The following SLC22A3 variants were observed in gnomAD, a reference collection of about 807,000 sequenced individuals.
SLC22A3 encodes solute carrier family 22 member 3.
In SLC22A3, 51 loss-of-function variants were observed where a neutral mutation model predicts 59.1. The ratio of observed to expected loss-of-function variants is 0.86; its 90% CI spans 0.69 to 1.09. SLC22A3 has a LOEUF of 1.09. SLC22A3 is among the 50% of genes least tolerant of loss of function. The pLI, the probability that SLC22A3 is intolerant of heterozygous loss-of-function variation, is 0.00. For synonymous variants in SLC22A3, 325 were observed against 292.0 expected, an observed-to-expected ratio of 1.11 and a Z score of -1.15; for missense variants, 711 against 726.3, an observed-to-expected ratio of 0.98 and a Z score of 0.24.
intron 1 of SLC22A3, among the ~76,000 whole-genome samples, chr6:160,366,460 C>A (rs1188717906): frequency 1.3e-5 from 2 of 152,222 alleles, no homozygotes; most frequent in Non-Finnish European, 2.9e-5. Flanking sequence ...TCCCAGCTGC[C>A]TTCATGGCTG....
intron 5 of SLC22A3, among the ~76,000 whole-genome samples, chr6:160,418,371 G>C (rs1343189375): frequency 6.6e-6 from 1 of 152,154 alleles, no homozygotes; most frequent in East Asian, 1.9e-4. Context: ...ACATACTGAA[G>C]GCTGCACTGT....
Position 160,348,589 on chromosome 6 carries a change from C to T in SLC22A3, c.170C>T (p.Ala57Val). ...DHYWCRGPSA[A>V]ALAERCGWSP... ...TACTGGTGCCGCGGGCCAAGTGCCG[C>T]GGCGCTGGCCGAGCGCTGCGGCTGG... Residue 57 changes from alanine (A) to valine (V), a missense_variant, in exon 1 of 11, where the codon GCG becomes GTG. Ala to Val is a moderately conservative substitution (Grantham distance 64). Transcript: ENST00000275300. 2 of 1,519,416 alleles carry T rather than the reference C, an allele frequency of 1.3e-6. No homozygotes were observed. The highest frequency in any genetic ancestry group is 1.8e-6 in the Non-Finnish European group (2 of 1,142,520). 94.1% of individuals were successfully genotyped at this position (1,519,416 alleles called of 1,614,324 possible).
rs1702486213 is a variant in SLC22A3 at position 160,447,631 on chromosome 6, A to G, written c.1511-88A>G. 19 of 1,093,090 alleles carry G rather than the reference A, an allele frequency of 1.7e-5. 1 individual carries two copies. Among genetic ancestry groups the G allele is most frequent in the South Asian group, 1.6e-4 (13 of 80,226 alleles). The allele number at this position is 1,093,090 out of a possible 1,614,324, so 67.7% of individuals were successfully genotyped here. ...TGGTTGAGAGCTACTCCAGTGAGCA[A>G]CATGATGGCTTCAGAGTGAGCAGGC... On this transcript the variant is annotated intron_variant, in intron 9 of 10. Coordinates refer to ENST00000275300, the MANE Select transcript of SLC22A3 (RefSeq NM_021977.4).
chr6:160,417,820 C>T (rs981741145), intron 5 of SLC22A3, among the ~76,000 whole-genome samples: 11 of 152,100 alleles, frequency 7.2e-5, no homozygotes. Context: ...CAGCCATCAC[C>T]ATGAAGAGAA....
chr6:160,397,732 CAA>C (rs201152865), intron 1 of SLC22A3, among the ~76,000 whole-genome samples: 2,697 of 88,132 alleles, frequency 0.031, 74 homozygotes, highest in African/African-American at 0.1. Flanking sequence ...GACTCCATCT[CAA>C]AAAAAAAAAA....
intron 1 of SLC22A3, among the ~76,000 whole-genome samples, chr6:160,397,649 G>A (rs1042195391): frequency 6.7e-6 from 1 of 150,250 alleles, no homozygotes; most frequent in Non-Finnish European, 1.5e-5. Flanking sequence ...CAGGAGAATC[G>A]CTTGAACCCG....
chr6:160,355,626 G>T (rs370412699), intron 1 of SLC22A3, among the ~76,000 whole-genome samples: 1 of 151,418 alleles, frequency 6.6e-6, no homozygotes, highest in African/African-American at 2.4e-5. Flanking sequence ...AAAACGATTA[G>T]CCAGGCATGG....
intron 1 of SLC22A3, among the ~76,000 whole-genome samples, chr6:160,371,088 C>T (rs1785382294): frequency 6.6e-6 from 1 of 152,192 alleles, no homozygotes; most frequent in East Asian, 1.9e-4. Context: ...CACTGGGGCT[C>T]ACCTGGAAGC....
chr6:160,437,221 C>T lies in SLC22A3; in HGVS notation c.1288+10C>T, dbSNP rs1447087066. ...GCGTTCTTACCAGAAGGTAATCTTA[C>T]CCCACATCTGTTTGGCAGCCAAAGG... On this transcript the variant is annotated intron_variant, in intron 7 of 10. Coordinates refer to ENST00000275300, the MANE Select transcript of SLC22A3 (RefSeq NM_021977.4). 1.2e-6 allele frequency: 2 copies of T among 1,613,566 alleles called. No homozygotes were observed. Among genetic ancestry groups the T allele is most frequent in the South Asian group, 1.1e-5 (1 of 91,072 alleles).
In SLC22A3 at chr6:160,348,591, G is replaced by A. The variant is rs779634103; in HGVS notation, c.172G>A (p.Ala58Thr). The change falls in exon 1 of 11, where the codon GCG becomes ACG. Residue 58 changes from alanine (A) to threonine (T), a missense_variant. Physicochemically the swap from Ala to Thr is moderately conservative, Grantham distance 58. Coordinates refer to ENST00000275300, the MANE Select transcript of SLC22A3 (RefSeq NM_021977.4). ...CTGGTGCCGCGGGCCAAGTGCCGCG[G>A]CGCTGGCCGAGCGCTGCGGCTGGAG... ...HYWCRGPSAA[A>T]LAERCGWSPE... 3 of 1,520,666 alleles carry A rather than the reference G, an allele frequency of 2.0e-6. No homozygotes were observed. In the South Asian group the frequency reaches 3.6e-5, roughly 18 times the overall value. The allele number at this position is 1,520,666 out of a possible 1,614,324, so 94.2% of individuals were successfully genotyped here.
At chr6:160,374,291 G>A (rs911208099) in intron 1 of SLC22A3, among the ~76,000 whole-genome samples, 9 of 152,156 alleles carry the variant, frequency 5.9e-5, no homozygotes, top group African/African-American at 1.9e-4. Context: ...CTTCCTGGGT[G>A]AGGCAATGTC....
intron 7 of SLC22A3, among the ~76,000 whole-genome samples, chr6:160,441,259 AT>A (rs1278661475): frequency 6.6e-6 from 1 of 152,070 alleles, no homozygotes; most frequent in Middle Eastern, 3.2e-3. Flanking sequence ...CCACATGCTC[AT>A]TGAAAGATGG....
chr6:160,436,633 A>G, intron 5 of SLC22A3, 147 bp from the exon 6 acceptor site: 1 of 641,204 alleles, frequency 1.6e-6, no homozygotes, highest in Non-Finnish European at 2.7e-6. Flanking sequence ...CAAGAGCAGA[A>G]GTGTTTTAAT....
At chr6:160,366,940 CTT>C in intron 1 of SLC22A3, among the ~76,000 whole-genome samples, 1 of 152,324 alleles carries the variant, frequency 6.6e-6, no homozygotes, top group East Asian at 1.9e-4. Flanking sequence ...AAGTTCCAAA[CTT>C]TTCCACATTT....
intron 1 of SLC22A3, among the ~76,000 whole-genome samples, chr6:160,370,382 TGTGGGCAC>T (rs1295987284): frequency 1.3e-5 from 2 of 152,336 alleles, no homozygotes; most frequent in African/African-American, 4.8e-5. Context: ...TCCAAACATG[TGTGGGCAC>T]TTTCCCTGCA....
chr6:160,388,482 C>T (rs1786112304), intron 1 of SLC22A3, among the ~76,000 whole-genome samples: 2 of 152,176 alleles, frequency 1.3e-5, no homozygotes, highest in African/African-American at 4.8e-5. Context: ...GATGCTGTTG[C>T]TGCTAGACCA....
chr6:160,417,055 T>C (rs180967422), intron 5 of SLC22A3, among the ~76,000 whole-genome samples: 1 of 152,340 alleles, frequency 6.6e-6, no homozygotes, highest in African/African-American at 2.4e-5. Context: ...TCACTTCCTC[T>C]CTGTAAGAGG....
intron 4 of SLC22A3, 54 bp from the exon 5 acceptor site, chr6:160,410,675 T>C: frequency 9.1e-7 from 1 of 1,104,904 alleles, no homozygotes; most frequent in African/African-American, 1.5e-5. Context: ...AGGCAATAGA[T>C]TTTAGCGTTT....
chr6:160,368,270 G>T (rs999590588), intron 1 of SLC22A3, among the ~76,000 whole-genome samples: 1 of 152,082 alleles, frequency 6.6e-6, no homozygotes, highest in African/African-American at 2.4e-5. Context: ...CTCTATCTCT[G>T]CTCCCATAGC....
Sources: gnomAD v4.1 joint callset for allele counts (sites outside exome capture counted in the v4.1 genomes callset) on GRCh38, gnomAD v4.1.1 for gene constraint, MANE v1.5 for transcripts, NCBI Gene and HGNC (gene_info 2026-07-23, HGNC 2026-07-21) for gene names.